The following ABCC5 variants were observed in gnomAD, a reference collection of about 807,000 sequenced individuals.
ABCC5 encodes the protein ATP binding cassette subfamily C member 5.
ABCC5 carries 61 observed loss-of-function variants against 160.9 expected under a neutral mutation model. The ratio of observed to expected loss-of-function variants is 0.38; its 90% CI spans 0.31 to 0.47. The LOEUF (loss-of-function observed/expected upper bound fraction) is 0.47. Among genes scored for constraint, ABCC5 ranks in the 20% least tolerant of loss-of-function variants. The pLI is 0.99. For missense variants in ABCC5, 1,308 were observed against 1,813.3 expected (o/e 0.72, Z 5.06); for synonymous variants, 666 against 700.6 (o/e 0.95, Z 0.78).
chr3:183,962,511 A>G (rs2108819603), intron 15 of ABCC5, among the ~76,000 whole-genome samples: 1 of 151,070 alleles, frequency 6.6e-6, no homozygotes. Context: ...TAGTATAAGG[A>G]GCAGTTCCTC....
At chr3:183,945,787 AG>A in intron 24 of ABCC5, 62 bp downstream of exon 24, 1 of 1,355,622 alleles carries the variant, frequency 7.4e-7, no homozygotes, top group Non-Finnish European at 1.1e-6. Flanking sequence ...CAGCTGAGGC[AG>A]CAAAGGGTAA....
intron 5 of ABCC5, chr3:183,986,425 C>T (rs1719221878): frequency 6.6e-6 from 1 of 152,136 alleles, no homozygotes; most frequent in Non-Finnish European, 1.5e-5. Flanking sequence ...GTTAGTACCC[C>T]AGTGTTCTGC....
intron 5 of ABCC5, chr3:183,985,040 G>A (rs543657955): frequency 1.5e-5 from 11 of 729,838 alleles, no homozygotes; most frequent in African/African-American, 3.6e-5. Flanking sequence ...TACACTATGC[G>A]AAACTTTCAA....
intron 26 of ABCC5, among the ~76,000 whole-genome samples, chr3:183,931,408 C>T (rs1713172932): frequency 6.6e-6 from 1 of 151,254 alleles, no homozygotes; most frequent in South Asian, 2.1e-4. Context: ...CTCACTGCAA[C>T]CCCTGCCCTG....
intron 8 of ABCC5, among the ~76,000 whole-genome samples, chr3:183,980,725 T>G (rs920931649): frequency 2.4e-4 from 37 of 152,052 alleles, no homozygotes; most frequent in Non-Finnish European, 4.4e-4. Context: ...TTTTTTTTTT[T>G]TTTTTTTGAG....
chr3:183,956,535 A>C (rs35904466), intron 17 of ABCC5, among the ~76,000 whole-genome samples: 319 of 103,404 alleles, frequency 3.1e-3, no homozygotes, highest in Middle Eastern at 8.6e-3. Context: ...CATGCAGATC[A>C]GTGTGTATAT....
rs1237547304 is a variant in ABCC5 at position 183,982,653 on chromosome 3, C to T, written c.826-29G>A. On this transcript the variant is annotated intron_variant, in intron 6 of 29. Coordinates refer to ENST00000334444, the MANE Select transcript of ABCC5 (RefSeq NM_005688.4). The surrounding 1 kb of genome is among the most constrained non-coding windows in gnomAD (Gnocchi z 5.2). ...TAAGATACAAAGAGTAGTGAGGGGA[C>T]CCTGCAAGGACACGGTTCATTTGTC... 1.2e-6 allele frequency: 2 copies of T among 1,612,386 alleles called. No homozygotes were observed. The highest frequency in any genetic ancestry group is 1.7e-6 in the Non-Finnish European group (2 of 1,178,800).
At chr3:183,999,447 T>C (rs1026171292) in intron 2 of ABCC5, among the ~76,000 whole-genome samples, 1 of 152,024 alleles carries the variant, frequency 6.6e-6, no homozygotes, top group Non-Finnish European at 1.5e-5. Flanking sequence ...TATAACAAGG[T>C]AGGGAATCAT....
intron 10 of ABCC5, among the ~76,000 whole-genome samples, chr3:183,973,049 C>CTTTTTT (rs11289102): frequency 3.7e-5 from 4 of 108,384 alleles, no homozygotes; most frequent in South Asian, 3.0e-4. Flanking sequence ...TTTGAATCCA[C>CTTTTTT]TTTTTTTTTT....
chr3:183,959,696 T>G (rs765985986), intron 17 of ABCC5, 37 bp downstream of exon 17: 1 of 1,455,974 alleles, frequency 6.9e-7, no homozygotes, highest in East Asian at 2.3e-5. Context: ...TGATAAACTT[T>G]GATGACAAAT....
At position 183,951,484 on chromosome 3, in the gene ABCC5, G is replaced by C. The variant is rs779117037; in HGVS notation, c.2901C>G (p.Pro967=). Reference sequence around the variant, plus strand: ...AAAACCTGTTGAGAATCCTCCCTGTGGGGGTCGTGTCAAAAAACTTCATAG... The same window carrying C: ...AAAACCTGTTGAGAATCCTCCCTGTCGGGGTCGTGTCAAAAAACTTCATAG... ...RSPMKFFDTT[P]TGRILNRFSK... is the part of the protein sequence containing the mutation. Residue 967 remains proline (P), a synonymous_variant, in exon 20 of 30, where the codon CCC becomes CCG. Transcript: ENST00000334444. The surrounding 1 kb of genome is among the most constrained non-coding windows in gnomAD (Gnocchi z 4.7). 1.7e-5 allele frequency: 28 copies of C among 1,614,192 alleles called. No homozygotes were observed. The highest frequency in any genetic ancestry group is 2.4e-5 in the Non-Finnish European group (28 of 1,180,012).
At chr3:183,995,480 G>A (rs1272208325) in intron 2 of ABCC5, among the ~76,000 whole-genome samples, 5 of 151,966 alleles carry the variant, frequency 3.3e-5, no homozygotes, top group South Asian at 4.2e-4. Context: ...GTAAGGTTTC[G>A]GCAAAGGTTC....
At chr3:183,993,121 G>A (rs1361929986) in intron 2 of ABCC5, among the ~76,000 whole-genome samples, 1 of 152,172 alleles carries the variant, frequency 6.6e-6, no homozygotes, top group Non-Finnish European at 1.5e-5. Context: ...AAAATTGATT[G>A]CAAATCTTCA....
chr3:183,977,097 A>T (rs563272189), intron 10 of ABCC5, among the ~76,000 whole-genome samples: 34 of 152,310 alleles, frequency 2.2e-4, no homozygotes, highest in African/African-American at 7.7e-4. Context: ...CAGGAAAAAG[A>T]AAGTATCAAA....
intron 10 of ABCC5, among the ~76,000 whole-genome samples, chr3:183,976,554 C>G (rs1576880994): frequency 6.6e-6 from 1 of 152,146 alleles, no homozygotes; most frequent in East Asian, 1.9e-4. Flanking sequence ...CACACCCAGC[C>G]AGGACTAGCT....
chr3:183,949,796 C>T lies in ABCC5; in HGVS notation c.3184G>A (p.Ala1062Thr), dbSNP rs1715173052. Residue 1062 changes from alanine to threonine, a missense_variant, in exon 22 of 30, where the codon GCC becomes ACC. This residue lies in a region of ABCC5 where 1,142 missense variants were observed against 1,527.1 expected (regional missense o/e 0.75). Coordinates refer to ENST00000334444, the MANE Select transcript of ABCC5 (RefSeq NM_005688.4). This position sits in a 1 kb window ranked among gnomAD's most constrained non-coding sequence, Gnocchi z 4.2. ...SHITSSIQGL[A>T]TIHAYNKGQE... The stretch of plus-strand genomic sequence containing the variant: ...CCTTTATTGTAGGCGTGGATGGTGG[C>T]AAGGCCCTGTATGCTGGACGTGATG... The T allele has an allele frequency of 3.1e-6, 5 of 1,614,200 alleles. No individual in the cohort carries two copies. Among genetic ancestry groups the T allele is most frequent in the Non-Finnish European group, 3.4e-6 (4 of 1,180,040 alleles).
chr3:183,963,753 T>C lies in ABCC5; in HGVS notation c.2032-165A>G, dbSNP rs998205132. On this transcript the variant is annotated intron_variant, in intron 14 of 29. Transcript: ENST00000334444. This position sits in a 1 kb window ranked among gnomAD's most constrained non-coding sequence, Gnocchi z 4.6. Reference sequence around the variant, plus strand: ...CCCCGCAGATGAACTGCCATGCTGATCCTTCAACGAAGTGGGGGAGTTGGC... The same window carrying C: ...CCCCGCAGATGAACTGCCATGCTGACCCTTCAACGAAGTGGGGGAGTTGGC... Among the ~76,000 whole-genome samples, 1 of 151,100 alleles carries C rather than the reference T, an allele frequency of 6.6e-6. No individual in the cohort carries two copies. The highest frequency in any genetic ancestry group is 2.5e-5 in the African/African-American group (1 of 40,426).
In ABCC5 at chr3:183,978,572, C is replaced by T. The variant is rs774150546; in HGVS notation, c.1227G>A (p.Val409=). The change falls in exon 9 of 30, where the codon GTG becomes GTA. Residue 409 remains valine (V), a synonymous_variant. Coordinates refer to ENST00000334444, the MANE Select transcript of ABCC5 (RefSeq NM_005688.4). ...AGGTCACCACGCTGGCAATCACCAC[C>T]ACAATGGGAGCCACACCCACAGTGA... ...QSITVGVAPI[V]VVIASVVTFS... is the part of the protein sequence containing the mutation. 4 of 1,614,004 alleles carry T rather than the reference C, an allele frequency of 2.5e-6. No homozygotes were observed. In the Admixed American group the frequency reaches 5.0e-5, roughly 20 times the overall value.
chr3:184,007,912 T>C (rs528271780), intron 2 of ABCC5, among the ~76,000 whole-genome samples: 1 of 152,230 alleles, frequency 6.6e-6, no homozygotes, highest in African/African-American at 2.4e-5. Context: ...CTTCACACAT[T>C]TGATGCTCAA....
Sources: allele counts gnomAD v4.1 joint callset (sites outside exome capture counted in the v4.1 genomes callset), GRCh38; gene constraint gnomAD v4.1.1; regional missense constraint gnomAD v4.1.1; non-coding constraint Gnocchi (gnomAD v3.1); transcripts MANE v1.5; gene names NCBI Gene and HGNC (gene_info 2026-07-23, HGNC 2026-07-21).